The following CTNNA2 variants were observed in gnomAD, a reference collection of about 807,000 sequenced individuals.
The protein encoded by CTNNA2 is catenin alpha-2.
In CTNNA2, 42 loss-of-function variants were observed where a neutral mutation model predicts 101.0. The ratio of observed to expected loss-of-function variants is 0.42; its 90% CI spans 0.32 to 0.54. The LOEUF is 0.54. Ranked by LOEUF, CTNNA2 falls within the 20% of genes least tolerant of loss-of-function variation. CTNNA2 has a pLI of 0.14. For synonymous variants in CTNNA2, 450 were observed against 456.4 expected, an observed-to-expected ratio of 0.99 and a Z score of 0.18; for missense variants, 871 against 1,223.1, an observed-to-expected ratio of 0.71 and a Z score of 4.29.
intron 2 of CTNNA2, among the ~76,000 whole-genome samples, chr2:79,284,903 G>A (rs1675518602): frequency 7.4e-6 from 1 of 135,180 alleles, no homozygotes; most frequent in Admixed American, 7.6e-5. Context: ...ACTCTTTTTG[G>A]TTGGTAAGCT....
At chr2:79,676,615 C>A (rs1683202729) in intron 2 of CTNNA2, among the ~76,000 whole-genome samples, 1 of 152,114 alleles carries the variant, frequency 6.6e-6, no homozygotes, top group African/African-American at 2.4e-5. Flanking sequence ...TGTCCAGATG[C>A]CCCCTATGGC....
intron 3 of CTNNA2, among the ~76,000 whole-genome samples, chr2:79,836,610 A>T (rs1051817186): frequency 6.6e-6 from 1 of 152,190 alleles, no homozygotes; most frequent in African/African-American, 2.4e-5. Context: ...CTTCCTTTGA[A>T]ACATGTAGGG....
intron 7 of CTNNA2, among the ~76,000 whole-genome samples, chr2:79,924,873 G>A (rs1473565234): frequency 6.6e-6 from 1 of 152,074 alleles, no homozygotes; most frequent in Non-Finnish European, 1.5e-5. Context: ...GTGTGGTTGT[G>A]AATACCTTGT....
intron 9 of CTNNA2, among the ~76,000 whole-genome samples, chr2:80,522,266 CAA>C (rs1413784385): frequency 1.3e-5 from 2 of 152,140 alleles, no homozygotes; most frequent in African/African-American, 4.8e-5. Context: ...CAAGGATCCT[CAA>C]AAGAGAGTCT....
At chr2:79,638,513 C>A (rs1573540987) in intron 1 of CTNNA2, among the ~76,000 whole-genome samples, 1 of 152,134 alleles carries the variant, frequency 6.6e-6, no homozygotes, top group Admixed American at 6.5e-5. Context: ...TGTGTTACGA[C>A]CTTTCAAGAC....
chr2:79,603,708 A>C (rs1415332839), intron 1 of CTNNA2, among the ~76,000 whole-genome samples: 1 of 152,226 alleles, frequency 6.6e-6, no homozygotes, highest in Non-Finnish European at 1.5e-5. Flanking sequence ...TTTAAGAGCA[A>C]CTGCCTGAAA....
intron 18 of CTNNA2, among the ~76,000 whole-genome samples, chr2:80,625,242 C>T (rs1434173732): frequency 1.3e-5 from 2 of 151,956 alleles, no homozygotes; most frequent in Non-Finnish European, 2.9e-5. Flanking sequence ...GCAATAGCTA[C>T]TCAGAGGGAT....
chr2:80,638,857 A>C (rs1319914757), intron 18 of CTNNA2, among the ~76,000 whole-genome samples: 2 of 152,214 alleles, frequency 1.3e-5, no homozygotes, highest in Non-Finnish European at 2.9e-5. Flanking sequence ...GTTACCAAAG[A>C]GCCAAGTGGT....
At chr2:80,012,588 C>CT (rs1693867517) in intron 7 of CTNNA2, among the ~76,000 whole-genome samples, 1 of 152,200 alleles carries the variant, frequency 6.6e-6, no homozygotes, top group Non-Finnish European at 1.5e-5. Context: ...CCTGTCATGG[C>CT]ATGAATGCAG....
upstream of CTNNA2, among the ~76,000 whole-genome samples, chr2:79,510,693 G>A (rs144897916): frequency 4.1e-3 from 624 of 152,320 alleles, 4 homozygotes; most frequent in Non-Finnish European, 4.5e-3. Context: ...AGAACTGAGG[G>A]AGACCAAGGG....
chr2:79,522,809 G>A (rs1672191481), intron 1 of CTNNA2, among the ~76,000 whole-genome samples: 1 of 152,150 alleles, frequency 6.6e-6, no homozygotes, highest in Non-Finnish European at 1.5e-5. Flanking sequence ...AAATATTTTG[G>A]CATTATCTAT....
chr2:79,784,597 G>C (rs952126663), intron 3 of CTNNA2, among the ~76,000 whole-genome samples: 3 of 151,456 alleles, frequency 2.0e-5, no homozygotes, highest in African/African-American at 7.3e-5. Flanking sequence ...TGTATCAGTT[G>C]TAATTTCTCA....
chr2:80,099,062 T>G (rs1193556635), intron 7 of CTNNA2, among the ~76,000 whole-genome samples: 1 of 151,750 alleles, frequency 6.6e-6, no homozygotes. Flanking sequence ...GGTACCTCAG[T>G]TGGAAATGCA....
rs181655708 is a variant in CTNNA2, at chr2:80,315,860, A to G, written c.1057-77351A>G. On this transcript the variant is annotated intron_variant, in intron 7 of 18. Coordinates refer to ENST00000402739, the MANE Select transcript of CTNNA2 (RefSeq NM_001282597.3). Reference sequence around the variant, plus strand: ...TTATTTCTCAAGCCATGTGACTCTAACAGTATCATCCATAAACACTGAGGA... The same window carrying G: ...TTATTTCTCAAGCCATGTGACTCTAGCAGTATCATCCATAAACACTGAGGA... 2.5e-4 allele frequency among the ~76,000 whole-genome samples: 38 copies of G among 152,316 alleles called. No individual in the cohort carries two copies. In the East Asian group the frequency reaches 6.9e-3, roughly 28 times the overall value.
At chr2:80,639,528 T>A (rs1232336689) in intron 18 of CTNNA2, among the ~76,000 whole-genome samples, 1 of 151,810 alleles carries the variant, frequency 6.6e-6, no homozygotes, top group East Asian at 1.9e-4. Context: ...TGTGTGTGTG[T>A]GTGTGTGTGT....
chr2:80,259,694 C>T (rs956149326), intron 7 of CTNNA2, among the ~76,000 whole-genome samples: 1 of 152,208 alleles, frequency 6.6e-6, no homozygotes, highest in African/African-American at 2.4e-5. Context: ...ATCAAGACAT[C>T]TAATCTGTTA....
chr2:79,644,947 GAAGTC>G (rs1276643347), intron 1 of CTNNA2, among the ~76,000 whole-genome samples: 1 of 151,858 alleles, frequency 6.6e-6, no homozygotes, highest in Non-Finnish European at 1.5e-5. Context: ...CATAAACTTT[GAAGTC>G]AAGACAATTT....
At chr2:79,200,017 C>T (rs989202690) in intron 2 of CTNNA2, among the ~76,000 whole-genome samples, 6 of 145,744 alleles carry the variant, frequency 4.1e-5, no homozygotes, top group Admixed American at 6.8e-5. Flanking sequence ...TCAATTGAGA[C>T]GTAGAGAATG....
At chr2:79,985,198 C>A (rs1359722446) in intron 7 of CTNNA2, among the ~76,000 whole-genome samples, 1 of 152,142 alleles carries the variant, frequency 6.6e-6, no homozygotes, top group Non-Finnish European at 1.5e-5. Context: ...TCCACTCTGA[C>A]CCCCCGTAGA....
Sources: allele counts gnomAD v4.1 joint callset (sites outside exome capture counted in the v4.1 genomes callset), GRCh38; gene constraint gnomAD v4.1.1; transcripts MANE v1.5; gene names NCBI Gene and HGNC (gene_info 2026-07-23, HGNC 2026-07-21).